The following STMN1 variants were observed in gnomAD, a reference collection of about 807,000 sequenced individuals.
STMN1 encodes the protein stathmin 1.
Under a neutral mutation model 19.7 loss-of-function variants are expected in STMN1, and 3 were observed. The ratio of observed to expected loss-of-function variants is 0.15; its 90% CI spans 0.07 to 0.39. STMN1 has a LOEUF of 0.39. Ranked by LOEUF, STMN1 falls within the 10% of genes least tolerant of loss-of-function variation. The probability of loss-of-function intolerance (pLI) is 1.00; values close to 1 mark genes in which losing one functional copy is unlikely to be tolerated. For synonymous variants in STMN1, 59 were observed against 58.9 expected, an observed-to-expected ratio of 1.00 and a Z score of -0.01; for missense variants, 99 against 176.0, an observed-to-expected ratio of 0.56 and a Z score of 2.48.
downstream of STMN1, chr1:25,884,775 T>C (rs1233945127): frequency 1.3e-5 from 2 of 152,826 alleles, no homozygotes; most frequent in East Asian, 1.9e-4. Context: ...TGCACAGGCA[T>C]TTGGCAGCAA....
intron 4 of STMN1, among the ~76,000 whole-genome samples, chr1:25,894,621 A>G (rs887305313): frequency 4.6e-5 from 7 of 152,294 alleles, no homozygotes; most frequent in African/African-American, 1.7e-4. Flanking sequence ...TTGAGGCTGC[A>G]GTGAGCTGTG....
rs757442092 is a variant in STMN1 at position 25,900,986 on chromosome 1, G to C, written c.*30C>G. 6 of 1,612,470 alleles carry C rather than the reference G, an allele frequency of 3.7e-6. No homozygotes were observed. Among genetic ancestry groups the C allele is most frequent in the Admixed American group, 1.7e-5 (1 of 59,576 alleles). On this transcript the variant is annotated 3_prime_UTR_variant, in exon 5 of 5. Transcript: ENST00000455785. The stretch of plus-strand genomic sequence containing the variant: ...ACAGTCTTTGGATATTTAGGAAGGG[G>C]ATGGGGAGAAAGTCAGTTCTCAGAA...
intron 4 of STMN1, among the ~76,000 whole-genome samples, chr1:25,894,669 G>A (rs1421298524): frequency 6.6e-6 from 1 of 152,156 alleles, no homozygotes; most frequent in Non-Finnish European, 1.5e-5. Flanking sequence ...GACAAAGAGA[G>A]AGACCCTGTC....
chr1:25,898,341 T>G (rs114859289), downstream of STMN1, among the ~76,000 whole-genome samples: 1,700 of 152,278 alleles, frequency 0.011, 30 homozygotes, highest in African/African-American at 0.039. Context: ...TCTCAAAGCT[T>G]CCCAGACCAC....
At chr1:25,896,976 G>A (rs772141022), downstream of STMN1, among the ~76,000 whole-genome samples, 5 of 152,322 alleles carry the variant, frequency 3.3e-5, no homozygotes, top group Admixed American at 2.0e-4. Flanking sequence ...AACTTCTAGG[G>A]CATCTAAGTC....
intron 3 of STMN1, chr1:25,903,297 G>A (rs939805416): frequency 5.2e-6 from 1 of 192,148 alleles, no homozygotes; most frequent in Non-Finnish European, 1.1e-5. Context: ...CAAAGAGGAA[G>A]CATGAGAGAA....
rs1428100923 is a variant in STMN1 at position 25,901,475 on chromosome 1, AAAGT to A, written c.378+12_378+15del. The A allele has an allele frequency of 1.9e-6, 3 of 1,593,520 alleles. No homozygotes were observed. Among genetic ancestry groups the A allele is most frequent in the South Asian group, 2.3e-5 (2 of 87,576 alleles). The stretch of plus-strand genomic sequence containing the variant: ...CAAACTCCAAGCTCAACCCTTTTAC[AAAGT>A]AAGAAACCAACCTTCTCTCGCAAAC... On this transcript the variant is annotated intron_variant, in intron 4 of 4. Transcript: ENST00000455785.
chr1:25,886,000 T>C, intron 4 of STMN1: 2 of 1,282,282 alleles, frequency 1.6e-6, no homozygotes, highest in East Asian at 2.8e-5. Flanking sequence ...TCCAGGGATC[T>C]TTAAAAAATA....
At chr1:25,901,154 G>A (rs953282742) in intron 4 of STMN1, 67 bp from the exon 5 acceptor site, 159 of 1,526,682 alleles carry the variant, frequency 1.0e-4, no homozygotes, top group Admixed American at 1.5e-4. Context: ...GTCAAGTCAC[G>A]ACCCCCAGCC....
intron 4 of STMN1, among the ~76,000 whole-genome samples, chr1:25,891,287 T>C (rs558500144): frequency 1.3e-5 from 2 of 150,958 alleles, no homozygotes; most frequent in South Asian, 2.1e-4. Context: ...GCCGAGATCA[T>C]GCCATTGCAC....
At chr1:25,899,168 AGGCCT>A (rs2048847043), downstream of STMN1, among the ~76,000 whole-genome samples, 1 of 152,202 alleles carries the variant, frequency 6.6e-6, no homozygotes, top group African/African-American at 2.4e-5. Flanking sequence ...GCATCCTTTC[AGGCCT>A]GTTGATCCTT....
At chr1:25,899,498 T>TA (rs2048849222), downstream of STMN1, among the ~76,000 whole-genome samples, 1 of 152,236 alleles carries the variant, frequency 6.6e-6, no homozygotes, top group African/African-American at 2.4e-5. Flanking sequence ...TACATGGGCG[T>TA]AACTCCTTAA....
At chr1:25,888,627 C>A (rs1306216990) in intron 4 of STMN1, among the ~76,000 whole-genome samples, 1 of 152,100 alleles carries the variant, frequency 6.6e-6, no homozygotes, top group Admixed American at 6.5e-5. Context: ...CAGCAGCAAG[C>A]AATGAAAAGC....
At position 25,885,620 on chromosome 1, in the gene STMN1, C is replaced by T; in HGVS notation, c.*103G>A. The T allele has an allele frequency of 5.0e-6, 7 of 1,408,400 alleles. No homozygotes were observed. The South Asian group carries it at 9.8e-5, about 20-fold the overall frequency. 87.2% of individuals were successfully genotyped at this position (1,408,400 alleles called of 1,614,324 possible). Reference sequence around the variant, plus strand: ...GTATTAGAATCCAAGTCTGCCTGACCCCAAAGGCTTTTTCTATCTTCCACA... The same window carrying T: ...GTATTAGAATCCAAGTCTGCCTGACTCCAAAGGCTTTTTCTATCTTCCACA... On this transcript the variant is annotated 3_prime_UTR_variant, in exon 5 of 5. Coordinates refer to the STMN1 transcript ENST00000426559.
chr1:25,894,032 T>C (rs2048798064), intron 4 of STMN1, among the ~76,000 whole-genome samples: 1 of 152,222 alleles, frequency 6.6e-6, no homozygotes. Context: ...ATCCTGGGCC[T>C]GCATCCTGAG....
At chr1:25,897,382 A>T (rs1483604135), downstream of STMN1, among the ~76,000 whole-genome samples, 1 of 152,156 alleles carries the variant, frequency 6.6e-6, no homozygotes, top group African/African-American at 2.4e-5. Flanking sequence ...CACATTTAAC[A>T]GTGATTCAAA....
chr1:25,884,822 C>T (rs2124217499), downstream of STMN1: 1 of 153,504 alleles, frequency 6.5e-6, no homozygotes. Context: ...CTTCGTAATA[C>T]AATCACCAAG....
intron 4 of STMN1, 131 bp downstream of exon 4, chr1:25,901,360 A>C: frequency 8.0e-7 from 1 of 1,244,512 alleles, no homozygotes; most frequent in Non-Finnish European, 1.1e-6. Context: ...TATACCTTTC[A>C]TTTAATATGT....
At chr1:25,901,256 C>A (rs1252326530) in intron 4 of STMN1, among the ~76,000 whole-genome samples, 169 bp from the exon 5 acceptor site, 1 of 151,876 alleles carries the variant, frequency 6.6e-6, no homozygotes, top group African/African-American at 2.4e-5. Context: ...ATCATCAAAT[C>A]TCCTGGGTCC....
Sources: allele counts gnomAD v4.1 joint callset (sites outside exome capture counted in the v4.1 genomes callset), GRCh38; gene constraint gnomAD v4.1.1; transcripts MANE v1.5; gene names NCBI Gene and HGNC (gene_info 2026-07-23, HGNC 2026-07-21).